The following DPP6 variants were observed in gnomAD, a reference collection of about 807,000 sequenced individuals.
DPP6 encodes A-type potassium channel modulatory protein DPP6.
Under a neutral mutation model 122.6 loss-of-function variants are expected in DPP6, and 69 were observed. The observed-to-expected ratio is 0.56, with a 90% CI of 0.46 to 0.69. The LOEUF (loss-of-function observed/expected upper bound fraction) is 0.69. Ranked by LOEUF, DPP6 falls within the 30% of genes least tolerant of loss-of-function variation. DPP6 has a pLI of 0.00. For synonymous variants in DPP6, 418 were observed against 433.1 expected, an observed-to-expected ratio of 0.97 and a Z score of 0.43; for missense variants, 928 against 1,116.9, an observed-to-expected ratio of 0.83 and a Z score of 2.41.
chr7:154,346,685 A>G (rs73493266), intron 1 of DPP6, among the ~76,000 whole-genome samples: 4,458 of 152,250 alleles, frequency 0.029, 208 homozygotes, highest in African/African-American at 0.1. Flanking sequence ...TCACTTTGCC[A>G]TTAATCCTAT....
intron 1 of DPP6, among the ~76,000 whole-genome samples, chr7:154,114,350 C>A (rs1160974235): frequency 6.6e-6 from 1 of 152,018 alleles, no homozygotes; most frequent in African/African-American, 2.4e-5. Context: ...TTGTTATCTG[C>A]AAAAGGGGAA....
intron 1 of DPP6, among the ~76,000 whole-genome samples, chr7:154,441,311 A>G (rs750977581): frequency 2.0e-5 from 3 of 152,210 alleles, no homozygotes; most frequent in Admixed American, 6.5e-5. Flanking sequence ...TTCTTTCTCT[A>G]TTACATATCA....
chr7:154,269,327 C>T lies in DPP6; in HGVS notation c.244-176887C>T, dbSNP rs1055714773. 7.2e-5 allele frequency among the ~76,000 whole-genome samples: 11 copies of T among 152,064 alleles called. 1 individual carries two copies. The highest frequency in any genetic ancestry group is 1.3e-4 in the Non-Finnish European group (9 of 68,014). On this transcript the variant is annotated intron_variant, in intron 1 of 25. Coordinates refer to ENST00000377770, the MANE Select transcript of DPP6 (RefSeq NM_130797.4). ...TGATTCTAAAGCTAGTGATTATTTT[C>T]CTATTATTTTGATGGTCAGCTCTTA...
chr7:154,337,451 T>G (rs1168567885), intron 1 of DPP6, among the ~76,000 whole-genome samples: 3 of 152,226 alleles, frequency 2.0e-5, no homozygotes, highest in Non-Finnish European at 4.4e-5. Context: ...CAATCTGAAT[T>G]TTTAGAAAAC....
chr7:154,414,543 C>G (rs28398360), intron 1 of DPP6, among the ~76,000 whole-genome samples: 3,344 of 152,246 alleles, frequency 0.022, 129 homozygotes, highest in African/African-American at 0.076. Context: ...TCTCTACTTT[C>G]CTTTACACAT....
At chr7:154,501,346 G>C (rs1563768595) in intron 3 of DPP6, among the ~76,000 whole-genome samples, 1 of 152,156 alleles carries the variant, frequency 6.6e-6, no homozygotes, top group African/African-American at 2.4e-5. Context: ...CAAGATCCTG[G>C]GGAAAAATGT....
the DPP6 span, among the ~76,000 whole-genome samples, chr7:153,829,523 C>CT: frequency 5.3e-5 from 8 of 152,156 alleles, no homozygotes. Flanking sequence ...CTGTCCTCCT[C>CT]TTTTTTGTCT....
rs1157043834 is a variant in DPP6 at position 154,601,068 on chromosome 7, G to A, written c.627+34152G>A. On this transcript the variant is annotated intron_variant, in intron 5 of 25. Transcript: ENST00000377770. Reference sequence around the variant, plus strand: ...GGACTCCAGCCTGGGCAACAAGAGCGAAACTCCATCTCAAGAAACAAAAAC... The same window carrying A: ...GGACTCCAGCCTGGGCAACAAGAGCAAAACTCCATCTCAAGAAACAAAAAC... Among the ~76,000 whole-genome samples the A allele has an allele frequency of 5.0e-5, 6 of 120,296 alleles. 2 individuals carry two copies. Among genetic ancestry groups the A allele is most frequent in the Non-Finnish European group, 7.5e-5 (4 of 53,428 alleles). The allele number at this position is 120,296 out of a possible 152,430, so 78.9% of individuals were successfully genotyped here. A position where few individuals can be genotyped will look rare whatever the true frequency, so the allele number is the denominator to read the frequency against.
chr7:154,341,705 C>T (rs942236781), intron 1 of DPP6, among the ~76,000 whole-genome samples: 4 of 151,482 alleles, frequency 2.6e-5, no homozygotes, highest in Non-Finnish European at 2.9e-5. Flanking sequence ...CATGTGTGTA[C>T]GTGTGTTTGT....
At chr7:153,817,154 C>G in the DPP6 span, among the ~76,000 whole-genome samples, 8 of 149,092 alleles carry the variant, frequency 5.4e-5, no homozygotes, top group Admixed American at 4.7e-4. Flanking sequence ...AGCAAAACCT[C>G]AAATCTGTTT....
At chr7:154,128,676 A>G (rs1219851892) in intron 1 of DPP6, among the ~76,000 whole-genome samples, 3 of 148,954 alleles carry the variant, frequency 2.0e-5, no homozygotes, top group Non-Finnish European at 3.0e-5. Context: ...GGCGTGAGAC[A>G]CCGTGCCCAG....
intron 1 of DPP6, among the ~76,000 whole-genome samples, chr7:153,989,780 T>C (rs1374909614): frequency 1.3e-5 from 2 of 151,932 alleles, no homozygotes; most frequent in African/African-American, 2.4e-5. Flanking sequence ...GTGTTATCCC[T>C]GCATGAGAGA....
intron 8 of DPP6, among the ~76,000 whole-genome samples, chr7:154,758,039 C>T (rs1216093780): frequency 2.0e-5 from 3 of 152,196 alleles, no homozygotes; most frequent in Non-Finnish European, 2.9e-5. Context: ...TTTGGGCACA[C>T]GCACCTTCCG....
chr7:154,830,013 G>T (rs1800510247), intron 16 of DPP6, among the ~76,000 whole-genome samples: 1 of 152,072 alleles, frequency 6.6e-6, no homozygotes, highest in South Asian at 2.1e-4. Flanking sequence ...CCACCCGATA[G>T]CTCCTTCCCA....
intron 8 of DPP6, among the ~76,000 whole-genome samples, chr7:154,761,622 A>G (rs758911763): frequency 3.5e-4 from 54 of 152,290 alleles, no homozygotes; most frequent in Middle Eastern, 6.8e-3. Context: ...CAGAAGGCCA[A>G]TGGGGAGCAG....
At chr7:154,379,187 A>C (rs188223822) in intron 1 of DPP6, among the ~76,000 whole-genome samples, 47 of 152,294 alleles carry the variant, frequency 3.1e-4, no homozygotes, top group Non-Finnish European at 4.9e-4. Context: ...CCTCCATAAA[A>C]GGTCACAGAG....
chr7:154,853,383 G>A (rs1802557288), intron 16 of DPP6, among the ~76,000 whole-genome samples: 1 of 152,236 alleles, frequency 6.6e-6, no homozygotes, highest in South Asian at 2.1e-4. Flanking sequence ...CTTCCTGGAG[G>A]AGCCAGCAGA....
Position 154,794,128 on chromosome 7 carries a change from G to T in DPP6, c.1186G>T (p.Val396Leu), listed in dbSNP as rs1451438931. Residue 396 changes from valine (V) to leucine (L), a missense_variant, in exon 11 of 26, where the codon GTG becomes TTG. Coordinates refer to ENST00000377770, the MANE Select transcript of DPP6 (RefSeq NM_130797.4). ...GTGGGCCACCAGCACCAAGGTCGCCGTGACCTGGCTGAACCGGGCGCAGAA... is the reference window on the plus strand; with the variant it reads ...GTGGGCCACCAGCACCAAGGTCGCCTTGACCTGGCTGAACCGGGCGCAGAA... ...VKWATSTKVA[V>L]TWLNRAQNVS... 6.2e-7 allele frequency: 1 copy of T among 1,613,576 alleles called. No individual in the cohort carries two copies. The highest frequency in any genetic ancestry group is 1.7e-5 in the Admixed American group (1 of 59,984).
At chr7:153,976,715 A>G (rs1299935225) in intron 1 of DPP6, among the ~76,000 whole-genome samples, 2 of 152,364 alleles carry the variant, frequency 1.3e-5, no homozygotes, top group African/African-American at 2.4e-5. Flanking sequence ...GGAAGTCACA[A>G]TGAAGCATTA....
Sources: allele counts gnomAD v4.1 joint callset (sites outside exome capture counted in the v4.1 genomes callset), GRCh38; gene constraint gnomAD v4.1.1; transcripts MANE v1.5; gene names NCBI Gene and HGNC (gene_info 2026-07-23, HGNC 2026-07-21).